Variants in COL25A1 observed in about 807,000 individuals in gnomAD.
COL25A1 encodes the protein collagen alpha-1(XXV) chain.
COL25A1 carries 103 observed loss-of-function variants against 128.4 expected under a neutral mutation model. The observed-to-expected ratio is 0.80, with a 90% CI of 0.68 to 0.94. The LOEUF (loss-of-function observed/expected upper bound fraction) is 0.94. Ranked by LOEUF, COL25A1 falls within the 40% of genes least tolerant of loss-of-function variation. The pLI, the probability that COL25A1 is intolerant of heterozygous loss-of-function variation, is 0.00. For missense variants in COL25A1, 745 were observed against 840.0 expected (o/e 0.89, Z 1.40); for synonymous variants, 279 against 277.2 (o/e 1.01, Z -0.06).
intron 8 of COL25A1, among the ~76,000 whole-genome samples, chr4:108,971,222 A>G (rs1751880020): frequency 6.6e-6 from 1 of 152,190 alleles, no homozygotes; most frequent in Non-Finnish European, 1.5e-5. Context: ...TACCCATGAA[A>G]TTATCAGCTT....
intron 5 of COL25A1, among the ~76,000 whole-genome samples, chr4:109,021,506 CT>C (rs1757762731): frequency 6.6e-6 from 1 of 152,160 alleles, no homozygotes; most frequent in African/African-American, 2.4e-5. Context: ...CCTGTGATGA[CT>C]GCATTAACCG....
chr4:109,155,279 G>A (rs540188926), intron 3 of COL25A1, among the ~76,000 whole-genome samples: 1 of 152,244 alleles, frequency 6.6e-6, no homozygotes, highest in East Asian at 1.9e-4. Context: ...TAAGTTGTCT[G>A]ACCTCCTCTG....
chr4:109,275,385 A>T (rs1049899014), intron 3 of COL25A1, among the ~76,000 whole-genome samples: 9 of 152,016 alleles, frequency 5.9e-5, no homozygotes, highest in African/African-American at 2.2e-4. Flanking sequence ...TGACATAAAA[A>T]GTTCATCTCT....
At chr4:109,154,603 G>A (rs1409192019) in intron 3 of COL25A1, among the ~76,000 whole-genome samples, 1 of 152,184 alleles carries the variant, frequency 6.6e-6, no homozygotes, top group Non-Finnish European at 1.5e-5. Flanking sequence ...CCTCTCCATA[G>A]CTGAGGCAGC....
chr4:109,196,790 A>G (rs1776082496), intron 3 of COL25A1, among the ~76,000 whole-genome samples: 1 of 152,202 alleles, frequency 6.6e-6, no homozygotes, highest in South Asian at 2.1e-4. Context: ...CAGAAAAATC[A>G]ATCACCTGCA....
chr4:109,185,457 A>C (rs566057482), intron 3 of COL25A1, among the ~76,000 whole-genome samples: 5 of 152,236 alleles, frequency 3.3e-5, no homozygotes, highest in Non-Finnish European at 7.3e-5. Flanking sequence ...CCACAGGTTC[A>C]AATTCAGATC....
intron 3 of COL25A1, among the ~76,000 whole-genome samples, chr4:109,230,981 A>G (rs1196659338): frequency 6.6e-6 from 1 of 152,066 alleles, no homozygotes; most frequent in Non-Finnish European, 1.5e-5. Context: ...TCTACTAAAT[A>G]CAAAAAAATT....
At chr4:108,997,865 G>A (rs746814982) in intron 6 of COL25A1, among the ~76,000 whole-genome samples, 2 of 152,010 alleles carry the variant, frequency 1.3e-5, no homozygotes, top group Non-Finnish European at 2.9e-5. Flanking sequence ...CAGAACCAAT[G>A]ACAAAAACCA....
At chr4:108,929,186 C>T (rs576013319) in intron 11 of COL25A1, among the ~76,000 whole-genome samples, 47 of 152,124 alleles carry the variant, frequency 3.1e-4, no homozygotes, top group South Asian at 1.2e-3. Context: ...TGCAATGGTG[C>T]GACTTTGGCT....
At chr4:108,830,039 T>C (rs1732891643) in intron 32 of COL25A1, among the ~76,000 whole-genome samples, 1 of 152,224 alleles carries the variant, frequency 6.6e-6, no homozygotes, top group Non-Finnish European at 1.5e-5. Flanking sequence ...TATTTTCTTA[T>C]ATAAAATAAT....
chr4:109,092,491 G>A (rs991866885), intron 3 of COL25A1, among the ~76,000 whole-genome samples: 4 of 152,028 alleles, frequency 2.6e-5, no homozygotes, highest in African/African-American at 7.2e-5. Flanking sequence ...GCACACATGC[G>A]TGCACACACC....
At chr4:109,043,163 T>C (rs921723711) in intron 5 of COL25A1, among the ~76,000 whole-genome samples, 9 of 152,064 alleles carry the variant, frequency 5.9e-5, no homozygotes, top group Admixed American at 4.6e-4. Context: ...CACGGGGTGG[T>C]CTGAGAACTG....
At chr4:109,081,468 G>A (rs1341042092) in intron 3 of COL25A1, among the ~76,000 whole-genome samples, 1 of 152,056 alleles carries the variant, frequency 6.6e-6, no homozygotes, top group African/African-American at 2.4e-5. Flanking sequence ...ATTTTGGTGT[G>A]TTTTTTGGTA....
In COL25A1 at chr4:109,149,133, T is replaced by C. The variant is rs141380232; in HGVS notation, c.368-98954A>G. ...ATTATGAGCTGTATGTTGATTTTTG[T>C]AGCCTTATTTTCCAACAAAGCGTTT... On this transcript the variant is annotated intron_variant, in intron 3 of 37. Transcript: ENST00000399132. 7.2e-5 allele frequency among the ~76,000 whole-genome samples: 11 copies of C among 152,332 alleles called. No individual in the cohort carries two copies. In the East Asian group the frequency reaches 2.1e-3, roughly 29 times the overall value.
chr4:109,051,962 A>T (rs969779393), intron 3 of COL25A1, among the ~76,000 whole-genome samples: 1 of 152,202 alleles, frequency 6.6e-6, no homozygotes, highest in Non-Finnish European at 1.5e-5. Flanking sequence ...GAGGGAAATT[A>T]TAATGGAAAG....
chr4:109,238,930 G>T (rs1201967137), intron 3 of COL25A1, among the ~76,000 whole-genome samples: 1 of 151,972 alleles, frequency 6.6e-6, no homozygotes, highest in Non-Finnish European at 1.5e-5. Flanking sequence ...AGACTGGTGG[G>T]GGTAGGAGAG....
chr4:108,863,452 A>G (rs1194741942), intron 20 of COL25A1, 65 bp from the exon 21 acceptor site: 1 of 1,363,610 alleles, frequency 7.3e-7, no homozygotes, highest in East Asian at 2.4e-5. Flanking sequence ...CTGTAGATTA[A>G]TAAATGAGTT....
chr4:109,301,922 G>T lies in COL25A1; in HGVS notation c.98C>A (p.Pro33Gln), dbSNP rs565780101. Residue 33 changes from proline (P) to glutamine (Q), a missense_variant, in exon 2 of 38, where the codon CCG (proline) becomes CAG (glutamine). Transcript: ENST00000399132. Reference sequence around the variant, plus strand: ...CAGGAGGGCCGCCAGGACGGCACACGGGGGCATGGTCCGGGCACAATGCTG... The same window carrying T: ...CAGGAGGGCCGCCAGGACGGCACACTGGGGCATGGTCCGGGCACAATGCTG... ...AEQHCARTMPPCAVLAALLSV... is the reference protein window; with the variant it reads ...AEQHCARTMPQCAVLAALLSV... The T allele has an allele frequency of 2.9e-5, 47 of 1,614,020 alleles. No individual in the cohort carries two copies. The African/African-American group carries it at 4.9e-4, about 17-fold the overall frequency.
intron 3 of COL25A1, among the ~76,000 whole-genome samples, chr4:109,213,730 T>C (rs74766436): frequency 0.023 from 3,484 of 152,296 alleles, 112 homozygotes; most frequent in African/African-American, 0.071. Flanking sequence ...ATTACTGTTA[T>C]TAGAAATCAT....
Sources: allele counts gnomAD v4.1 joint callset (sites outside exome capture counted in the v4.1 genomes callset), GRCh38; gene constraint gnomAD v4.1.1; transcripts MANE v1.5; gene names NCBI Gene and HGNC (gene_info 2026-07-23, HGNC 2026-07-21).